Variants in SLC8A3 observed in about 807,000 individuals in gnomAD.
SLC8A3 encodes the protein sodium/calcium exchanger 3.
A neutral mutation model predicts 65.4 loss-of-function variants in SLC8A3; 37 were observed. The ratio of observed to expected loss-of-function variants is 0.57; its 90% CI spans 0.44 to 0.74. The LOEUF (loss-of-function observed/expected upper bound fraction) is 0.74, where lower values mean the gene tolerates loss of function less well. Ranked by LOEUF, SLC8A3 falls within the 30% of genes least tolerant of loss-of-function variation. The probability of loss-of-function intolerance (pLI) is 0.00; values close to 1 mark genes in which losing one functional copy is unlikely to be tolerated. For missense variants in SLC8A3, 1,112 were observed against 1,172.1 expected (o/e 0.95, Z 0.75); for synonymous variants, 461 against 444.5 (o/e 1.04, Z -0.47).
chr14:70,127,941 T>A lies in SLC8A3; in HGVS notation c.1784+38698A>T, dbSNP rs147860529. Among the ~76,000 whole-genome samples, 81 of 152,292 alleles carry A rather than the reference T, an allele frequency of 5.3e-4. 2 individuals are homozygous for A. The East Asian group carries it at 0.015, about 29-fold the overall frequency. On this transcript the variant is annotated intron_variant, in intron 2 of 6. Coordinates refer to ENST00000356921, the MANE Select transcript of SLC8A3 (RefSeq NM_182932.3). ...TTACCTTATAAACTGTGTCCCTCAT[T>A]CTGATCCTATCCTGAATTCCAGGAT...
intron 2 of SLC8A3, among the ~76,000 whole-genome samples, chr14:70,095,314 G>A (rs1892094032): frequency 6.6e-6 from 1 of 152,174 alleles, no homozygotes; most frequent in Admixed American, 6.5e-5. Flanking sequence ...GCTCTGAGTG[G>A]GCTCTGGGAC....
chr14:70,088,035 T>G (rs538083822), intron 2 of SLC8A3, among the ~76,000 whole-genome samples: 1 of 152,256 alleles, frequency 6.6e-6, no homozygotes, highest in East Asian at 1.9e-4. Flanking sequence ...TGGTAGGTAT[T>G]AAAGGTTCTT....
At chr14:70,181,465 CAAAA>C (rs11306400) in intron 1 of SLC8A3, among the ~76,000 whole-genome samples, 4 of 127,788 alleles carry the variant, frequency 3.1e-5, no homozygotes, top group Admixed American at 7.8e-5. Context: ...AAGCCACACG[CAAAA>C]AAAAAAAAAA....
intron 2 of SLC8A3, among the ~76,000 whole-genome samples, chr14:70,151,937 A>G (rs1307778805): frequency 6.6e-6 from 1 of 152,036 alleles, no homozygotes; most frequent in Admixed American, 6.6e-5. Flanking sequence ...CCTCATCATA[A>G]CTATTAATGG....
intron 2 of SLC8A3, among the ~76,000 whole-genome samples, chr14:70,105,185 C>A (rs1019809805): frequency 1.3e-5 from 2 of 151,914 alleles, no homozygotes; most frequent in African/African-American, 2.4e-5. Context: ...AAAAATTAGC[C>A]GGGCATGGTG....
chr14:70,176,594 G>A (rs540679941), intron 1 of SLC8A3, among the ~76,000 whole-genome samples: 5 of 152,354 alleles, frequency 3.3e-5, no homozygotes, highest in Admixed American at 2.6e-4. Context: ...CTGAGAGAAG[G>A]ACTCATAGCA....
intron 2 of SLC8A3, among the ~76,000 whole-genome samples, chr14:70,162,796 A>G (rs1896963415): frequency 6.6e-6 from 1 of 152,252 alleles, no homozygotes; most frequent in Non-Finnish European, 1.5e-5. Context: ...GAAGACATCA[A>G]TAATATCCCT....
At chr14:70,184,466 G>C (rs1883015592) in intron 1 of SLC8A3, among the ~76,000 whole-genome samples, 1 of 152,032 alleles carries the variant, frequency 6.6e-6, no homozygotes, top group South Asian at 2.1e-4. Flanking sequence ...TCCATGTTAG[G>C]TCTTTACATA....
chr14:70,162,263 A>G (rs1382365357), intron 2 of SLC8A3, among the ~76,000 whole-genome samples: 1 of 152,226 alleles, frequency 6.6e-6, no homozygotes, highest in Non-Finnish European at 1.5e-5. Flanking sequence ...CAGAGAGAAC[A>G]TTGAATAAGC....
upstream of SLC8A3, chr14:70,189,131 T>A (rs1883607254): frequency 1.3e-5 from 2 of 152,078 alleles, no homozygotes; most frequent in Admixed American, 6.6e-5. Flanking sequence ...CTCAGAACGC[T>A]CCTCGACCAG....
intron 2 of SLC8A3, among the ~76,000 whole-genome samples, chr14:70,086,551 G>A (rs540100096): frequency 3.8e-4 from 57 of 151,774 alleles, no homozygotes; most frequent in African/African-American, 1.3e-3. Context: ...ACAGGAGCCC[G>A]CCACCACACT....
At chr14:70,087,165 T>A (rs1891498956) in intron 2 of SLC8A3, among the ~76,000 whole-genome samples, 1 of 152,224 alleles carries the variant, frequency 6.6e-6, no homozygotes, top group South Asian at 2.1e-4. Flanking sequence ...TAATTCAGAA[T>A]CTTTCTTATC....
chr14:70,116,914 A>G (rs916406207), intron 2 of SLC8A3, among the ~76,000 whole-genome samples: 2 of 152,234 alleles, frequency 1.3e-5, no homozygotes, highest in East Asian at 3.8e-4. Context: ...ATTATCAACA[A>G]CATCTGAGTG....
chr14:70,128,292 G>A (rs1305759097), intron 2 of SLC8A3, among the ~76,000 whole-genome samples: 3 of 152,086 alleles, frequency 2.0e-5, no homozygotes, highest in African/African-American at 7.2e-5. Context: ...AACTTTTCTA[G>A]AATACAGATC....
At position 70,166,802 on chromosome 14, in the gene SLC8A3, C is replaced by T. The variant is rs1897188566; in HGVS notation, c.1621G>A (p.Val541Ile). The change falls in exon 2 of 7, where the codon GTC (valine) becomes ATC (isoleucine). Residue 541 changes from valine (V) to isoleucine (I), a missense_variant. By Grantham distance (29) the Val-to-Ile change is conservative (BLOSUM62 3). Transcript: ENST00000356921. ...IFTFECDTIH[V>I]SESIGVMEVK... ...TCCATAACACCAATACTCTCACTGA[C>T]ATGAATAGTATCACATTCAAAAGTG... 1.2e-6 allele frequency: 2 copies of T among 1,614,022 alleles called. No individual in the cohort carries two copies. Among genetic ancestry groups the T allele is most frequent in the African/African-American group, 2.7e-5 (2 of 74,918 alleles).
At chr14:70,065,129 G>A (rs1007044213) in intron 2 of SLC8A3, among the ~76,000 whole-genome samples, 1 of 152,104 alleles carries the variant, frequency 6.6e-6, no homozygotes, top group African/African-American at 2.4e-5. Flanking sequence ...CTTTGTTGGA[G>A]GAGACTGAGG....
intron 2 of SLC8A3, among the ~76,000 whole-genome samples, chr14:70,091,276 C>T (rs1891788589): frequency 6.6e-6 from 1 of 152,282 alleles, no homozygotes; most frequent in South Asian, 2.1e-4. Context: ...TGGAAACCAA[C>T]ACAAAATAGC....
At chr14:70,122,437 A>G (rs1894136567) in intron 2 of SLC8A3, among the ~76,000 whole-genome samples, 1 of 151,982 alleles carries the variant, frequency 6.6e-6, no homozygotes, top group African/African-American at 2.4e-5. Context: ...GGCTCTGATG[A>G]GCTCTGATGT....
chr14:70,063,920 A>C, intron 2 of SLC8A3: 1 of 1,593,932 alleles, frequency 6.3e-7, no homozygotes, highest in Non-Finnish European at 8.6e-7. Flanking sequence ...CCTTGATGTG[A>C]ATTGTTTTGC....
Sources: allele counts gnomAD v4.1 joint callset (sites outside exome capture counted in the v4.1 genomes callset), GRCh38; gene constraint gnomAD v4.1.1; transcripts MANE v1.5; gene names NCBI Gene and HGNC (gene_info 2026-07-23, HGNC 2026-07-21).